Variants in CACNA1B observed in about 807,000 individuals in gnomAD.
The protein encoded by CACNA1B is voltage-dependent N-type calcium channel subunit alpha-1B.
Under a neutral mutation model 247.2 loss-of-function variants are expected in CACNA1B, and 70 were observed. The ratio of observed to expected loss-of-function variants is 0.28; its 90% CI spans 0.23 to 0.35. The LOEUF (loss-of-function observed/expected upper bound fraction) is 0.35. Among genes scored for constraint, CACNA1B ranks in the 10% least tolerant of loss-of-function variants. The probability of loss-of-function intolerance (pLI) is 1.00; values close to 1 mark genes in which losing one functional copy is unlikely to be tolerated. For missense variants in CACNA1B, 2,367 were observed against 3,197.4 expected, an observed-to-expected ratio of 0.74 and a Z score of 6.26; for synonymous variants, 1,231 against 1,294.4, an observed-to-expected ratio of 0.95 and a Z score of 1.05.
intron 6 of CACNA1B, among the ~76,000 whole-genome samples, chr9:137,942,732 G>A (rs1243043039): frequency 1.3e-5 from 2 of 152,208 alleles, no homozygotes; most frequent in African/African-American, 4.8e-5. Flanking sequence ...AAAACCGAAC[G>A]TCGTATGTTC....
chr9:138,060,199 C>A (rs1468595127), intron 31 of CACNA1B, among the ~76,000 whole-genome samples: 1 of 152,048 alleles, frequency 6.6e-6, no homozygotes. Context: ...TAAAATTGAC[C>A]AGTGCTGGGA....
At chr9:137,909,862 T>A (rs1237746778) in intron 3 of CACNA1B, among the ~76,000 whole-genome samples, 1 of 151,998 alleles carries the variant, frequency 6.6e-6, no homozygotes, top group African/African-American at 2.4e-5. Context: ...CCTCCACCTC[T>A]CGGGTTCAAG....
At position 138,054,682 on chromosome 9, in the gene CACNA1B, G is replaced by GTATC. The variant is rs1414797034; in HGVS notation, c.3968+678_3968+681dup. 2.0e-5 allele frequency among the ~76,000 whole-genome samples: 3 copies of GTATC among 152,228 alleles called. No individual in the cohort carries two copies. The highest frequency in any genetic ancestry group is 6.5e-5 in the Admixed American group (1 of 15,288). Reference sequence around the variant, plus strand: ...GGGAGCAGTAGCAGTTTGGGGAGGTGTATCTGTCTGGTAGTGGAATTGCCG... The same window carrying GTATC: ...GGGAGCAGTAGCAGTTTGGGGAGGTGTATCTATCTGTCTGGTAGTGGAATTGCCG... On this transcript the variant is annotated intron_variant, in intron 26 of 46. Coordinates refer to ENST00000371372, the MANE Select transcript of CACNA1B (RefSeq NM_000718.4). This position sits in a 1 kb window ranked among gnomAD's most constrained non-coding sequence, Gnocchi z 4.6.
At chr9:138,036,130 A>C (rs1589083232) in intron 20 of CACNA1B, among the ~76,000 whole-genome samples, 1 of 149,590 alleles carries the variant, frequency 6.7e-6, no homozygotes, top group African/African-American at 2.5e-5. Context: ...CCTGAAGAAC[A>C]GCTTTCCTAA....
rs570421467 is a variant in CACNA1B at position 138,052,519 on chromosome 9, T to C, written c.3807+331T>C. 2.7e-4 allele frequency among the ~76,000 whole-genome samples: 41 copies of C among 152,168 alleles called. No individual in the cohort carries two copies. In the South Asian group the frequency reaches 8.1e-3, roughly 30 times the overall value. ...TGCTGGAGGTGAGGGGCTTGGGACA[T>C]TGGCTGCTGAGAGGGGGACAGGCAT... On this transcript the variant is annotated intron_variant, in intron 25 of 46. Transcript: ENST00000371372. This position sits in a 1 kb window ranked among gnomAD's most constrained non-coding sequence, Gnocchi z 5.1.
chr9:138,090,701 CAAAAAAAA>C (rs1173964720), intron 36 of CACNA1B, among the ~76,000 whole-genome samples: 142 of 16,570 alleles, frequency 8.6e-3, no homozygotes, highest in Admixed American at 0.014. Context: ...AACCCATCAG[CAAAAAAAA>C]AAAAAAAAAA....
At chr9:137,949,366 G>T (rs62589645) in intron 6 of CACNA1B, among the ~76,000 whole-genome samples, 11,148 of 134,812 alleles carry the variant, frequency 0.083, 255 homozygotes, top group Middle Eastern at 0.16. Context: ...TGGTGTTGGT[G>T]TGTGTGGTGT....
At chr9:138,107,890 C>T (rs1405079872) in intron 39 of CACNA1B, among the ~76,000 whole-genome samples, 1 of 151,778 alleles carries the variant, frequency 6.6e-6, no homozygotes, top group Admixed American at 6.6e-5. Flanking sequence ...GAGGCTGAGG[C>T]AGGAGAATGG....
At chr9:137,965,512 C>A (rs941828078) in intron 10 of CACNA1B, among the ~76,000 whole-genome samples, 41 of 152,362 alleles carry the variant, frequency 2.7e-4, no homozygotes, top group African/African-American at 9.9e-4. Context: ...GAGATCCCAC[C>A]TCTACAAAGA....
rs148924974 is a variant in CACNA1B at position 138,081,651 on chromosome 9, A to G, written c.5094+3393A>G. ...AGGCACTATGCAGGGTCTTATGAAT[A>G]CATTAAGTATTTTAGTCTCTGTGAC... On this transcript the variant is annotated intron_variant, in intron 36 of 46. Transcript: ENST00000371372. Among the ~76,000 whole-genome samples the G allele has an allele frequency of 2.1e-3, 321 of 151,264 alleles. 18 individuals are homozygous for G. The highest frequency in any genetic ancestry group is 7.4e-3 in the African/African-American group (303 of 40,896).
intron 31 of CACNA1B, among the ~76,000 whole-genome samples, chr9:138,063,198 G>A (rs1240711742): frequency 6.6e-6 from 1 of 151,942 alleles, no homozygotes; most frequent in Non-Finnish European, 1.5e-5. Flanking sequence ...GGAGGCCAAG[G>A]CAGGGAACGT....
chr9:137,918,214 G>A (rs1317964030), intron 6 of CACNA1B, among the ~76,000 whole-genome samples: 1 of 152,046 alleles, frequency 6.6e-6, no homozygotes, highest in Admixed American at 6.6e-5. Context: ...AAGGCTTGGG[G>A]GGGGTGCCTG....
At chr9:137,977,928 G>A (rs1444951727) in intron 12 of CACNA1B, among the ~76,000 whole-genome samples, 2 of 150,956 alleles carry the variant, frequency 1.3e-5, no homozygotes, top group African/African-American at 2.4e-5. Flanking sequence ...AGGAGTGACA[G>A]GTGGGAGCAC....
At chr9:138,000,774 G>A (rs995339495) in intron 15 of CACNA1B, among the ~76,000 whole-genome samples, 14 of 152,040 alleles carry the variant, frequency 9.2e-5, no homozygotes, top group Non-Finnish European at 1.5e-4. Context: ...CGCCCAACAC[G>A]GCAGGTACGC....
At chr9:137,884,731 C>T (rs1217451456) in intron 3 of CACNA1B, among the ~76,000 whole-genome samples, 1 of 152,014 alleles carries the variant, frequency 6.6e-6, no homozygotes, top group Admixed American at 6.5e-5. Flanking sequence ...CACCCGGCCT[C>T]ATGGGGCGCT....
At chr9:137,984,276 G>A (rs1450076107) in intron 13 of CACNA1B, 26 bp downstream of exon 13, 1 of 1,516,926 alleles carries the variant, frequency 6.6e-7, no homozygotes, top group South Asian at 1.2e-5. Flanking sequence ...TCCCAGGCGA[G>A]GGCAGGTGTA....
rs200503033 is a variant in CACNA1B, at chr9:138,059,230, A to G, written c.4584+41A>G. 4.2e-5 allele frequency: 52 copies of G among 1,238,646 alleles called. No individual in the cohort carries two copies. The highest frequency in any genetic ancestry group is 5.8e-5 in the Non-Finnish European group (49 of 845,722). 76.7% of individuals were successfully genotyped at this position (1,238,646 alleles called of 1,614,324 possible). A position where few individuals can be genotyped will look rare whatever the true frequency, so the allele number is the denominator to read the frequency against. On this transcript the variant is annotated intron_variant, in intron 30 of 46. Coordinates refer to ENST00000371372, the MANE Select transcript of CACNA1B (RefSeq NM_000718.4). The surrounding 1 kb of genome is among the most constrained non-coding windows in gnomAD (Gnocchi z 4.2). ...CCTGCTTTGCCTTTTGACAACCTAT[A>G]TTCTGGTTCCCCATCTGTAGGGCGA...
In CACNA1B at chr9:137,957,584, T is replaced by C; in HGVS notation, c.1244-14T>C. ...GCAGCTCAGGCAGTCTCTCCCATCC[T>C]TTGTTTAAAGCAGTGCTGAAGAGAG... On this transcript the variant is annotated splice_polypyrimidine_tract_variant and intron_variant, in intron 9 of 46. Transcript: ENST00000371372. The surrounding 1 kb of genome is among the most constrained non-coding windows in gnomAD (Gnocchi z 4.7). The C allele has an allele frequency of 6.4e-7, 1 of 1,561,982 alleles. No homozygotes were observed. The highest frequency in any genetic ancestry group is 8.7e-7 in the Non-Finnish European group (1 of 1,153,506).
At chr9:137,930,932 A>G (rs1348239935) in intron 6 of CACNA1B, among the ~76,000 whole-genome samples, 1 of 152,146 alleles carries the variant, frequency 6.6e-6, no homozygotes, top group Admixed American at 6.5e-5. Context: ...TAATCTTTGT[A>G]TAAATCTTTT....
Sources: gnomAD v4.1 joint callset for allele counts (sites outside exome capture counted in the v4.1 genomes callset) on GRCh38, gnomAD v4.1.1 for gene constraint, Gnocchi (gnomAD v3.1) non-coding constraint, MANE v1.5 for transcripts, NCBI Gene and HGNC (gene_info 2026-07-23, HGNC 2026-07-21) for gene names.